SLC18A1: variants seen among roughly 807,000 people sequenced by gnomAD.
The protein encoded by SLC18A1 is chromaffin granule amine transporter.
In SLC18A1, 69 loss-of-function variants were observed where a neutral mutation model predicts 53.7. The ratio of observed to expected loss-of-function variants is 1.28; its 90% CI spans 1.06 to 1.57. The LOEUF (loss-of-function observed/expected upper bound fraction) is 1.57, where lower values mean the gene tolerates loss of function less well. Among genes scored for constraint, SLC18A1 ranks in the 40% most tolerant of loss-of-function variants. The probability of loss-of-function intolerance (pLI) is 0.00; values close to 1 mark genes in which losing one functional copy is unlikely to be tolerated. For missense variants in SLC18A1, 932 were observed against 668.1 expected (o/e 1.40, Z -4.35); for synonymous variants, 320 against 248.1 (o/e 1.29, Z -2.72).
At chr8:20,181,218 A>T (rs1363098417) in intron 1 of SLC18A1, 131 bp from the exon 2 acceptor site, 3 of 331,506 alleles carry the variant, frequency 9.0e-6, no homozygotes, top group Non-Finnish European at 1.7e-5. Context: ...CCTTCCTGGT[A>T]AGCATCGCTT....
chr8:20,150,934 A>C (rs143475308), intron 10 of SLC18A1, 190 bp from the exon 11 acceptor site: 1 of 592,928 alleles, frequency 1.7e-6, no homozygotes, highest in African/African-American at 1.9e-5. Context: ...TCCTTTCTTC[A>C]GGAGCAAGGC....
chr8:20,147,822 C>A, intron 13 of SLC18A1, 100 bp from the exon 14 acceptor site: 1 of 1,530,436 alleles, frequency 6.5e-7, no homozygotes, highest in South Asian at 1.2e-5. Context: ...CTGCTGTCTT[C>A]TGCCTCGGAC....
chr8:20,173,113 G>A lies in SLC18A1; in HGVS notation c.647C>T (p.Ala216Val), dbSNP rs199809287. ...CTCATGGTCATCAGTGTAGACACTG[G>A]CCAGCATTCCAAGACCTGCGCAGAG... Reference protein sequence around the residue: ...FSSVAGLGMLASVYTDDHERG... With the variant: ...FSSVAGLGMLVSVYTDDHERG... The change falls in exon 6 of 16, where the codon GCC becomes GTC. Residue 216 changes from alanine to valine, a missense_variant. Physicochemically the swap from Ala to Val is moderately conservative, Grantham distance 64. Coordinates refer to ENST00000276373, the MANE Select transcript of SLC18A1 (RefSeq NM_003053.4). 318 of 1,574,430 alleles carry A rather than the reference G, an allele frequency of 2.0e-4. 1 individual carries two copies. Among genetic ancestry groups the A allele is most frequent in the Non-Finnish European group, 1.2e-5 (14 of 1,160,532 alleles).
chr8:20,182,476 A>G (rs772874224), intron 1 of SLC18A1, among the ~76,000 whole-genome samples: 5 of 152,226 alleles, frequency 3.3e-5, no homozygotes, highest in Non-Finnish European at 5.9e-5. Flanking sequence ...TTTTTGAGAG[A>G]GTAGAGAGAT....
chr8:20,165,844 T>G (rs1410363383), intron 8 of SLC18A1, among the ~76,000 whole-genome samples: 3 of 152,178 alleles, frequency 2.0e-5, no homozygotes, highest in Non-Finnish European at 4.4e-5. Flanking sequence ...CCTGACTCAG[T>G]AGCTGGGGCT....
chr8:20,182,897 T>C (rs976310184), intron 1 of SLC18A1, among the ~76,000 whole-genome samples, 166 bp downstream of exon 1: 15 of 152,124 alleles, frequency 9.9e-5, no homozygotes, highest in African/African-American at 3.4e-4. Context: ...AAGTAAGTAC[T>C]ACAAAGAGAG....
chr8:20,167,975 G>T (rs1470445892), intron 8 of SLC18A1, among the ~76,000 whole-genome samples: 1 of 151,906 alleles, frequency 6.6e-6, no homozygotes, highest in Admixed American at 6.6e-5. Flanking sequence ...GGGCTCCTTG[G>T]GGAAATGAAT....
intron 12 of SLC18A1, chr8:20,148,623 C>G (rs966250384): frequency 2.2e-6 from 1 of 464,322 alleles, no homozygotes; most frequent in Admixed American, 2.5e-5. Flanking sequence ...TTGTGAGACT[C>G]ATTCCCATTG....
At chr8:20,149,652 T>TC in intron 12 of SLC18A1, 24 bp downstream of exon 12, 1 of 1,564,700 alleles carries the variant, frequency 6.4e-7, no homozygotes, top group Non-Finnish European at 8.8e-7. Context: ...CTCCTTCCCC[T>TC]CCCCCAGGTC....
intron 15 of SLC18A1, 60 bp downstream of exon 15, chr8:20,147,198 G>C (rs1296255489): frequency 6.5e-7 from 1 of 1,541,104 alleles, no homozygotes; most frequent in Non-Finnish European, 8.7e-7. Context: ...GAAAGGGAAT[G>C]AGAGAGATGA....
At chr8:20,146,786 T>C (rs2071411812) in intron 15 of SLC18A1, among the ~76,000 whole-genome samples, 1 of 149,050 alleles carries the variant, frequency 6.7e-6, no homozygotes, top group Non-Finnish European at 1.5e-5. Context: ...ATCACACTAT[T>C]ACACTCCACC....
intron 10 of SLC18A1, among the ~76,000 whole-genome samples, chr8:20,162,664 T>C (rs1263812085): frequency 6.6e-6 from 1 of 152,216 alleles, no homozygotes; most frequent in Non-Finnish European, 1.5e-5. Context: ...AGGATGGCCT[T>C]TACTCTAGTG....
intron 1 of SLC18A1, chr8:20,182,040 A>C (rs2072441598): frequency 6.6e-6 from 1 of 152,244 alleles, no homozygotes; most frequent in East Asian, 1.9e-4. Context: ...GTACCTTGTC[A>C]AACTTCAAGT....
At chr8:20,182,754 G>A (rs1283381201) in intron 1 of SLC18A1, among the ~76,000 whole-genome samples, 1 of 152,154 alleles carries the variant, frequency 6.6e-6, no homozygotes, top group Non-Finnish European at 1.5e-5. Context: ...GTTTTAACCA[G>A]TAAATGCATG....
intron 10 of SLC18A1, among the ~76,000 whole-genome samples, chr8:20,154,006 G>A (rs950457662): frequency 1.3e-4 from 20 of 152,288 alleles, no homozygotes; most frequent in African/African-American, 4.6e-4. Flanking sequence ...CATCCTCACG[G>A]TAATGAGTGA....
chr8:20,179,799 C>T (rs1372762632), intron 2 of SLC18A1, among the ~76,000 whole-genome samples: 1 of 152,218 alleles, frequency 6.6e-6, no homozygotes, highest in African/African-American at 2.4e-5. Flanking sequence ...ATGGTTTCCA[C>T]ATTGGCTAAC....
chr8:20,150,779 G>A (rs750554175), intron 10 of SLC18A1, 35 bp from the exon 11 acceptor site: 22 of 1,578,036 alleles, frequency 1.4e-5, no homozygotes, highest in Non-Finnish European at 1.9e-5. Context: ...CTTAGGACAT[G>A]TCCAATTTAC....
intron 10 of SLC18A1, 91 bp downstream of exon 10, chr8:20,164,778 G>T: frequency 1.1e-6 from 1 of 944,312 alleles, no homozygotes; most frequent in Non-Finnish European, 1.6e-6. Flanking sequence ...TACAAAGGAA[G>T]CATGTTGTCC....
intron 10 of SLC18A1, among the ~76,000 whole-genome samples, chr8:20,163,931 G>A (rs1445953668): frequency 6.6e-6 from 1 of 152,122 alleles, no homozygotes; most frequent in Non-Finnish European, 1.5e-5. Context: ...ACCCTGAGTG[G>A]TCAGAGCCTT....
Sources: allele counts gnomAD v4.1 joint callset (sites outside exome capture counted in the v4.1 genomes callset), GRCh38; gene constraint gnomAD v4.1.1; transcripts MANE v1.5; gene names NCBI Gene and HGNC (gene_info 2026-07-23, HGNC 2026-07-21).